CHD6: variants seen among roughly 807,000 people sequenced by gnomAD.
CHD6 encodes the protein ATP-dependent chromatin remodeler CHD6.
CHD6 carries 50 observed loss-of-function variants against 276.9 expected under a neutral mutation model. That is an observed-to-expected ratio of 0.18 (90% CI 0.14 to 0.23). The LOEUF (loss-of-function observed/expected upper bound fraction) is 0.23. Ranked by LOEUF, CHD6 falls within the 10% of genes least tolerant of loss-of-function variation. The probability of loss-of-function intolerance (pLI) is 1.00; values close to 1 mark genes in which losing one functional copy is unlikely to be tolerated. For synonymous variants in CHD6, 1,173 were observed against 1,229.3 expected, an observed-to-expected ratio of 0.95 and a Z score of 0.96; for missense variants, 2,564 against 3,365.8, an observed-to-expected ratio of 0.76 and a Z score of 5.89.
At chr20:41,589,090 C>T (rs570465456) in intron 1 of CHD6, among the ~76,000 whole-genome samples, 5 of 152,198 alleles carry the variant, frequency 3.3e-5, no homozygotes, top group African/African-American at 1.2e-4. Flanking sequence ...CGTAATCTGG[C>T]ATATAAACAG....
chr20:41,591,652 C>A (rs995112881), intron 1 of CHD6, among the ~76,000 whole-genome samples: 1 of 152,034 alleles, frequency 6.6e-6, no homozygotes, highest in Non-Finnish European at 1.5e-5. Flanking sequence ...AAGATTGCAC[C>A]ATTGCACTCC....
chr20:41,585,811 ACTC>A (rs2045588530), intron 1 of CHD6, among the ~76,000 whole-genome samples: 1 of 152,010 alleles, frequency 6.6e-6, no homozygotes, highest in Admixed American at 6.5e-5. Flanking sequence ...GTGACATTAA[ACTC>A]CTTAACAAAG....
At position 41,493,960 on chromosome 20, in the gene CHD6, G is replaced by A. The variant is rs200693921; in HGVS notation, c.1093-16C>T. ...CTTCATCAGGCTAACACAAACAGAG[G>A]AGAACAGTTAGGAAGTATGTCCCCT... On this transcript the variant is annotated splice_polypyrimidine_tract_variant and intron_variant, in intron 8 of 36. Coordinates refer to ENST00000373233, the MANE Select transcript of CHD6 (RefSeq NM_032221.5). 2.4e-4 allele frequency: 387 copies of A among 1,604,326 alleles called. No homozygotes were observed. Among genetic ancestry groups the A allele is most frequent in the Non-Finnish European group, 3.1e-4 (360 of 1,171,486 alleles).
rs745496600 is a variant in CHD6, at chr20:41,415,400, A to G, written c.6725T>C (p.Ile2242Thr). The change falls in exon 34 of 37, where the codon ATT (isoleucine) becomes ACT (threonine). Residue 2242 changes from isoleucine (I) to threonine (T), a missense_variant. Transcript: ENST00000373233. Reference protein sequence around the residue: ...PFPVSASTPKIGAISSLQGAL... With the variant: ...PFPVSASTPKTGAISSLQGAL... ...TCCCTGAAGTGAACTGATAGCCCCAATCTTAGGGGTGCTGGCGCTCACTGG... is the reference window on the plus strand; with the variant it reads ...TCCCTGAAGTGAACTGATAGCCCCAGTCTTAGGGGTGCTGGCGCTCACTGG... 5 of 1,613,386 alleles carry G rather than the reference A, an allele frequency of 3.1e-6. No homozygotes were observed. The highest frequency in any genetic ancestry group is 2.2e-5 in the South Asian group (2 of 90,942).
At chr20:41,617,762 G>A (rs1399228077) in intron 1 of CHD6, among the ~76,000 whole-genome samples, 1 of 151,978 alleles carries the variant, frequency 6.6e-6, no homozygotes, top group African/African-American at 2.4e-5. Flanking sequence ...CGCGATCCGA[G>A]GCCGCGCAGG....
At chr20:41,491,923 T>C in intron 10 of CHD6, 104 bp from the exon 11 acceptor site, 1 of 1,283,492 alleles carries the variant, frequency 7.8e-7, no homozygotes, top group Non-Finnish European at 1.1e-6. Flanking sequence ...CCAAGGCTGG[T>C]TTCAAACTAT....
intron 35 of CHD6, 142 bp from the exon 36 acceptor site, chr20:41,412,405 T>G: frequency 1.1e-6 from 1 of 897,522 alleles, no homozygotes; most frequent in Admixed American, 2.3e-5. Context: ...CTAAAGGAAA[T>G]AGCCACCTGG....
intron 20 of CHD6, 72 bp from the exon 21 acceptor site, chr20:41,453,014 C>A: frequency 1.6e-6 from 2 of 1,233,914 alleles, no homozygotes. Context: ...TAAGTGTATC[C>A]TCAGGACACA....
chr20:41,437,615 A>G (rs1195977249), intron 26 of CHD6, among the ~76,000 whole-genome samples: 1 of 152,244 alleles, frequency 6.6e-6, no homozygotes. Context: ...GTTTGGTACT[A>G]TCTGAAATTT....
At chr20:41,457,543 A>G in intron 17 of CHD6, 115 bp from the exon 18 acceptor site, 1 of 1,213,008 alleles carries the variant, frequency 8.2e-7, no homozygotes, top group Admixed American at 2.3e-5. Flanking sequence ...TCTCGGTTAC[A>G]AGTAACAGGA....
Position 41,420,611 on chromosome 20 carries a change from G to C in CHD6, c.6024C>G (p.Asn2008Lys), listed in dbSNP as rs771504374. The C allele has an allele frequency of 1.2e-6, 2 of 1,614,170 alleles. No individual in the cohort carries two copies. Among genetic ancestry groups the C allele is most frequent in the East Asian group, 4.5e-5 (2 of 44,886 alleles). ...CTTCAAGAGGATATGTGGGGAAAAC[G>C]TTTTGCCCCTCTGCACTTTCTTTCC... ...EPWKESAEGQ[N>K]VFPTYPLEGS... Residue 2008 changes from asparagine (N) to lysine (K), a missense_variant, in exon 31 of 37, where the codon AAC becomes AAG. Around this residue, in one of 7 missense-constraint regions of CHD6, gnomAD observed 1,024 missense variants for 1,047.9 expected, o/e 0.98. Transcript: ENST00000373233.
intron 3 of CHD6, among the ~76,000 whole-genome samples, chr20:41,516,886 A>G (rs2044265563): frequency 1.3e-5 from 2 of 152,276 alleles, no homozygotes; most frequent in Non-Finnish European, 2.9e-5. Context: ...AGTGACAGAA[A>G]GTGGGGAACA....
rs1373251434 is a variant in CHD6, at chr20:41,473,988, TAAG to T, written c.2469-474_2469-472del. Among the ~76,000 whole-genome samples, 7 of 152,260 alleles carry T rather than the reference TAAG, an allele frequency of 4.6e-5. No homozygotes were observed. The highest frequency in any genetic ancestry group is 3.4e-3 in the Middle Eastern group (1 of 294). On this transcript the variant is annotated intron_variant, in intron 16 of 36. Coordinates refer to ENST00000373233, the MANE Select transcript of CHD6 (RefSeq NM_032221.5). The surrounding 1 kb of genome is among the most constrained non-coding windows in gnomAD (Gnocchi z 4.1). Reference sequence around the variant, plus strand: ...CTACTTTAGGGTAAACCAGAAATGGTAAGAAGATTAAACTGTGAGGCAGTCCTT... The same window carrying T: ...CTACTTTAGGGTAAACCAGAAATGGTAAGATTAAACTGTGAGGCAGTCCTT...
chr20:41,416,755 C>G lies in CHD6; in HGVS notation c.6319G>C (p.Val2107Leu). Residue 2107 changes from valine to leucine, a missense_variant, in exon 33 of 37, where the codon GTG becomes CTG. This residue lies in a region of CHD6 where 1,024 missense variants were observed against 1,047.9 expected (regional missense o/e 0.98). Coordinates refer to ENST00000373233, the MANE Select transcript of CHD6 (RefSeq NM_032221.5). ...IINRLDNICHVVLKGKWPSSQ... is the reference protein window; with the variant it reads ...IINRLDNICHLVLKGKWPSSQ... The stretch of plus-strand genomic sequence containing the variant: ...GAGGGCCACTTCCCCTTTAACACCA[C>G]GTGGCAGATATTATCTAGGCGGTTA... 1.2e-6 allele frequency: 2 copies of G among 1,608,146 alleles called. No homozygotes were observed. The highest frequency in any genetic ancestry group is 1.7e-6 in the Non-Finnish European group (2 of 1,176,118).
Position 41,445,661 on chromosome 20 carries a change from A to C in CHD6, c.3877+4T>G, listed in dbSNP as rs777591193. ...GAAGGGAACGCCTTCAGAGAAATAC[A>C]CACCATGCTTGAACACGCCAATGAG... On this transcript the variant is annotated splice_donor_region_variant and intron_variant, in intron 25 of 36. Coordinates refer to ENST00000373233, the MANE Select transcript of CHD6 (RefSeq NM_032221.5). 2 of 1,604,094 alleles carry C rather than the reference A, an allele frequency of 1.2e-6. No individual in the cohort carries two copies. Among genetic ancestry groups the C allele is most frequent in the Non-Finnish European group, 1.7e-6 (2 of 1,171,080 alleles).
At position 41,416,568 on chromosome 20, in the gene CHD6, C is replaced by A; in HGVS notation, c.6486+20G>T. 1 of 1,601,158 alleles carries A rather than the reference C, an allele frequency of 6.2e-7. No homozygotes were observed. Among genetic ancestry groups the A allele is most frequent in the Non-Finnish European group, 8.5e-7 (1 of 1,172,998 alleles). On this transcript the variant is annotated intron_variant, in intron 33 of 36. Coordinates refer to ENST00000373233, the MANE Select transcript of CHD6 (RefSeq NM_032221.5). ...CCCACCATTCTTTGTTTTGTGGTCA[C>A]TCCATTCTTGCCGGCTCACCTTGTG... is the stretch of plus-strand genomic sequence containing the variant.
chr20:41,616,866 C>G (rs887574572), intron 1 of CHD6, among the ~76,000 whole-genome samples: 1 of 152,152 alleles, frequency 6.6e-6, no homozygotes, highest in Admixed American at 6.5e-5. Context: ...GGCTGACAGT[C>G]AAACTCGACT....
chr20:41,582,057 C>T (rs2045546298), intron 1 of CHD6, among the ~76,000 whole-genome samples: 1 of 152,106 alleles, frequency 6.6e-6, no homozygotes, highest in Middle Eastern at 3.2e-3. Context: ...AGACAATCTT[C>T]CCAAAAACTG....
intron 17 of CHD6, among the ~76,000 whole-genome samples, chr20:41,457,859 G>T (rs1032814710): frequency 6.6e-6 from 1 of 152,136 alleles, no homozygotes; most frequent in African/African-American, 2.4e-5. Flanking sequence ...GAAGTATAAT[G>T]ACCTCTTACG....
Sources: gnomAD v4.1 joint callset for allele counts (sites outside exome capture counted in the v4.1 genomes callset) on GRCh38, gnomAD v4.1.1 for gene constraint, gnomAD v4.1.1 regional missense constraint, Gnocchi (gnomAD v3.1) non-coding constraint, MANE v1.5 for transcripts, NCBI Gene and HGNC (gene_info 2026-07-23, HGNC 2026-07-21) for gene names.